DNAH11: variants seen among roughly 807,000 people sequenced by gnomAD.
DNAH11 encodes the protein dynein axonemal heavy chain 11.
Under a neutral mutation model 526.0 loss-of-function variants are expected in DNAH11, and 442 were observed. The observed-to-expected ratio is 0.84, with a 90% CI of 0.78 to 0.91. The LOEUF (loss-of-function observed/expected upper bound fraction) is 0.91. Ranked by LOEUF, DNAH11 falls within the 40% of genes least tolerant of loss-of-function variation. The pLI, the probability that DNAH11 is intolerant of heterozygous loss-of-function variation, is 0.00. For synonymous variants in DNAH11, 2,461 were observed against 1,935.9 expected (o/e 1.27, Z -7.12); for missense variants, 6,989 against 5,448.7 (o/e 1.28, Z -8.90).
At chr7:21,662,074 C>T (rs1426722972) in intron 30 of DNAH11, among the ~76,000 whole-genome samples, 2 of 152,148 alleles carry the variant, frequency 1.3e-5, no homozygotes, top group African/African-American at 4.8e-5. Context: ...CCTGCCTCGA[C>T]CTCCCAAAGT....
At position 21,901,567 on chromosome 7, in the gene DNAH11, TC is replaced by T; in HGVS notation, c.*314del. ...CTGGGCAACAGAACAAGACTCCATC[TC>T]AAAAAAAAAAAAGTACATCATAAAA... On this transcript the variant is annotated 3_prime_UTR_variant, in exon 82 of 82. Transcript: ENST00000409508. 1 of 197,422 alleles carries T rather than the reference TC, an allele frequency of 5.1e-6. No individual in the cohort carries two copies. The allele number at this position is 197,422 out of a possible 1,614,324, so 12.2% of individuals were successfully genotyped here.
At chr7:21,841,917 C>T (rs1379064852) in intron 65 of DNAH11, among the ~76,000 whole-genome samples, 1 of 152,184 alleles carries the variant, frequency 6.6e-6, no homozygotes, top group African/African-American at 2.4e-5. Context: ...GCTTTGTACA[C>T]ATTTATTTCT....
chr7:21,847,007 C>T (rs924872079), intron 66 of DNAH11, among the ~76,000 whole-genome samples: 3 of 151,686 alleles, frequency 2.0e-5, no homozygotes, highest in African/African-American at 7.2e-5. Flanking sequence ...CTTTTATTAT[C>T]CTTTAATATT....
At chr7:21,629,343 A>G (rs1010596493) in intron 25 of DNAH11, among the ~76,000 whole-genome samples, 80 of 152,164 alleles carry the variant, frequency 5.3e-4, no homozygotes, top group African/African-American at 1.7e-3. Context: ...TATTCTGGAG[A>G]ATCCATGTGC....
chr7:21,546,287 G>A (rs1191835366), intron 2 of DNAH11, among the ~76,000 whole-genome samples: 1 of 152,186 alleles, frequency 6.6e-6, no homozygotes. Context: ...CCCTGCCTGG[G>A]TTTCCCTTCG....
Position 21,749,696 on chromosome 7 carries a change from T to C in DNAH11, c.8692T>C (p.Tyr2898His). 1.2e-6 allele frequency: 2 copies of C among 1,613,974 alleles called. No individual in the cohort carries two copies. Among genetic ancestry groups the C allele is most frequent in the Non-Finnish European group, 1.7e-6 (2 of 1,179,868 alleles). ...CTTACAGGTAGATCTTGCCAATTTG[T>C]ACATCCGAACTGGAGCCAAGAACAT... ...QELRVDLANL[Y>H]IRTGAKNMPT... Residue 2898 changes from tyrosine (Y) to histidine (H), a missense_variant, in exon 53 of 82, where the codon TAC (tyrosine) becomes CAC (histidine). Physicochemically the swap from Tyr to His is moderately conservative, Grantham distance 83 (BLOSUM62 2). Transcript: ENST00000409508.
intron 30 of DNAH11, among the ~76,000 whole-genome samples, chr7:21,663,675 A>T (rs12374761): frequency 0.095 from 14,409 of 151,698 alleles, 730 homozygotes; most frequent in South Asian, 0.13. Context: ...TACAAGTGAG[A>T]TCATACAGTA....
At chr7:21,738,446 TCATGCTGCA>T (rs1346156853) in intron 46 of DNAH11, among the ~76,000 whole-genome samples, 1 of 152,124 alleles carries the variant, frequency 6.6e-6, no homozygotes, top group African/African-American at 2.4e-5. Flanking sequence ...CAATGTGATG[TCATGCTGCA>T]CGTGCTGCAG....
At chr7:21,557,770 A>G (rs989249448) in intron 2 of DNAH11, among the ~76,000 whole-genome samples, 1 of 152,150 alleles carries the variant, frequency 6.6e-6, no homozygotes, top group African/African-American at 2.4e-5. Flanking sequence ...CCAGAGGCAG[A>G]TATTTCTCCC....
intron 20 of DNAH11, among the ~76,000 whole-genome samples, chr7:21,608,851 T>C (rs1236480043): frequency 2.0e-5 from 3 of 150,782 alleles, no homozygotes; most frequent in African/African-American, 7.3e-5. Flanking sequence ...TGTACGCTTA[T>C]AACTACAGGA....
intron 54 of DNAH11, among the ~76,000 whole-genome samples, chr7:21,761,159 A>G (rs532128433): frequency 6.6e-6 from 1 of 152,304 alleles, no homozygotes; most frequent in Non-Finnish European, 1.5e-5. Flanking sequence ...GGGTTTCTGG[A>G]AAAATCTCAC....
chr7:21,832,505 G>A lies in DNAH11; in HGVS notation c.10692-10039G>A, dbSNP rs763284447. ...TTTGAGCCTATGTGTGTCTTTGCACGTGAAATGGGTCTCCTGAATACAGCA... is the reference window on the plus strand; with the variant it reads ...TTTGAGCCTATGTGTGTCTTTGCACATGAAATGGGTCTCCTGAATACAGCA... On this transcript the variant is annotated intron_variant, in intron 65 of 81. Coordinates refer to ENST00000409508, the MANE Select transcript of DNAH11 (RefSeq NM_001277115.2). Among the ~76,000 whole-genome samples the A allele has an allele frequency of 2.5e-4, 38 of 152,216 alleles. 2 individuals are homozygous for A. Among genetic ancestry groups the A allele is most frequent in the Admixed American group, 9.8e-4 (15 of 15,288 alleles).
At chr7:21,815,328 G>A (rs1006691378) in intron 63 of DNAH11, among the ~76,000 whole-genome samples, 1 of 152,080 alleles carries the variant, frequency 6.6e-6, no homozygotes, top group African/African-American at 2.4e-5. Flanking sequence ...TGTCTCTAAG[G>A]GAACTATGTA....
At chr7:21,633,493 G>A (rs944133231) in intron 25 of DNAH11, among the ~76,000 whole-genome samples, 2 of 152,200 alleles carry the variant, frequency 1.3e-5, no homozygotes, top group African/African-American at 2.4e-5. Flanking sequence ...GTTCTCTGAT[G>A]TTGGGTTCAT....
At chr7:21,740,245 A>G (rs892770277) in intron 48 of DNAH11, among the ~76,000 whole-genome samples, 11 of 152,116 alleles carry the variant, frequency 7.2e-5, no homozygotes, top group African/African-American at 2.7e-4. Flanking sequence ...TACAAAATTT[A>G]CCACATTAAC....
chr7:21,692,554 T>G (rs1783677932), intron 35 of DNAH11, among the ~76,000 whole-genome samples: 1 of 152,236 alleles, frequency 6.6e-6, no homozygotes, highest in African/African-American at 2.4e-5. Flanking sequence ...CTACTGCAAT[T>G]TGTTGATCCA....
At chr7:21,888,479 T>C (rs189357882) in intron 76 of DNAH11, among the ~76,000 whole-genome samples, 3 of 152,110 alleles carry the variant, frequency 2.0e-5, no homozygotes, top group Admixed American at 6.5e-5. Flanking sequence ...TCAACAAAGA[T>C]GATTTCAATT....
At chr7:21,760,139 G>A (rs1348880621) in intron 54 of DNAH11, among the ~76,000 whole-genome samples, 1 of 152,156 alleles carries the variant, frequency 6.6e-6, no homozygotes, top group African/African-American at 2.4e-5. Context: ...GGAGGAGAAG[G>A]GAGGGTGTAG....
chr7:21,801,420 A>C, intron 62 of DNAH11, 145 bp downstream of exon 62: 1 of 1,123,424 alleles, frequency 8.9e-7, no homozygotes, highest in Non-Finnish European at 1.2e-6. Flanking sequence ...TGTGGCTCTA[A>C]CTCACCAGAA....
Sources: allele counts gnomAD v4.1 joint callset (sites outside exome capture counted in the v4.1 genomes callset), GRCh38; gene constraint gnomAD v4.1.1; transcripts MANE v1.5; gene names NCBI Gene and HGNC (gene_info 2026-07-23, HGNC 2026-07-21).